VTI1A: variants seen among roughly 807,000 people sequenced by gnomAD.
VTI1A encodes vesicle transport through interaction with t-SNAREs homolog 1A.
In VTI1A, 22 loss-of-function variants were observed where a neutral mutation model predicts 34.9. That is an observed-to-expected ratio of 0.63 (90% CI 0.45 to 0.90). The LOEUF (loss-of-function observed/expected upper bound fraction) is 0.90. Ranked by LOEUF, VTI1A falls within the 40% of genes least tolerant of loss-of-function variation. The pLI is 0.00. For synonymous variants in VTI1A, 87 were observed against 97.3 expected (o/e 0.89, Z 0.62); for missense variants, 268 against 275.6 (o/e 0.97, Z 0.20).
rs959756952 is a variant in VTI1A, at chr10:112,634,916, T to C, written c.428-33302T>C. On this transcript the variant is annotated intron_variant, in intron 5 of 7. Transcript: ENST00000393077. ...AATCTGAATACATAAACATGCATAA[T>C]AAATAAACTCTGGGGTTGAATCCTG... Among the ~76,000 whole-genome samples, 3 of 152,194 alleles carry C rather than the reference T, an allele frequency of 2.0e-5. No homozygotes were observed. In the East Asian group the frequency reaches 5.8e-4, roughly 29 times the overall value.
chr10:112,564,207 G>A (rs1457721797), intron 5 of VTI1A, among the ~76,000 whole-genome samples: 1 of 151,290 alleles, frequency 6.6e-6, no homozygotes, highest in African/African-American at 2.4e-5. Flanking sequence ...AAAAGCTTTT[G>A]GAATTAAATC....
intron 7 of VTI1A, among the ~76,000 whole-genome samples, chr10:112,676,937 G>A (rs559673807): frequency 3.2e-4 from 49 of 152,156 alleles, no homozygotes; most frequent in Non-Finnish European, 5.4e-4. Context: ...TCTGGCCTTC[G>A]TCAAGGATTC....
At chr10:112,803,479 T>C (rs1037638620) in intron 7 of VTI1A, among the ~76,000 whole-genome samples, 1 of 152,194 alleles carries the variant, frequency 6.6e-6, no homozygotes, top group Non-Finnish European at 1.5e-5. Flanking sequence ...CAGTGGCCGC[T>C]TGAATGAGAA....
At chr10:112,620,018 T>A (rs1845668299) in intron 5 of VTI1A, among the ~76,000 whole-genome samples, 1 of 152,202 alleles carries the variant, frequency 6.6e-6, no homozygotes, top group South Asian at 2.1e-4. Flanking sequence ...CCAGGGCTTT[T>A]AAAACTCTCC....
chr10:112,473,548 C>A (rs569310469), intron 3 of VTI1A, among the ~76,000 whole-genome samples: 4 of 152,174 alleles, frequency 2.6e-5, no homozygotes, highest in South Asian at 4.2e-4. Context: ...TTTCCATTTA[C>A]CTCCTCTATC....
intron 1 of VTI1A, chr10:112,449,971 C>A (rs1235259355): frequency 6.6e-6 from 1 of 152,032 alleles, no homozygotes; most frequent in East Asian, 1.9e-4. Context: ...GCAATCTCAG[C>A]TCATTGCAAC....
At chr10:112,629,153 A>C (rs1041771074) in intron 5 of VTI1A, among the ~76,000 whole-genome samples, 1 of 152,250 alleles carries the variant, frequency 6.6e-6, no homozygotes. Flanking sequence ...TGGGACACTC[A>C]GAGGCCTCAG....
intron 5 of VTI1A, among the ~76,000 whole-genome samples, chr10:112,647,747 G>T (rs913006419): frequency 6.6e-5 from 10 of 152,084 alleles, no homozygotes; most frequent in Non-Finnish European, 1.0e-4. Flanking sequence ...CTTTGTCTCT[G>T]CATTTTTTAA....
chr10:112,556,864 T>C (rs1425586129), intron 5 of VTI1A, among the ~76,000 whole-genome samples: 1 of 152,102 alleles, frequency 6.6e-6, no homozygotes, highest in East Asian at 1.9e-4. Context: ...CATCTAAATA[T>C]TTAAAATTAA....
intron 5 of VTI1A, among the ~76,000 whole-genome samples, chr10:112,632,601 C>A (rs998608112): frequency 1.3e-5 from 2 of 152,224 alleles, no homozygotes; most frequent in Non-Finnish European, 2.9e-5. Context: ...ACGGGATTCA[C>A]ATACCAGCTC....
intron 7 of VTI1A, among the ~76,000 whole-genome samples, chr10:112,691,848 C>T (rs1202774201): frequency 6.6e-6 from 1 of 152,160 alleles, no homozygotes; most frequent in Non-Finnish European, 1.5e-5. Flanking sequence ...TGGATTCAGA[C>T]CAAAATCTGA....
At chr10:112,592,245 G>A (rs946014045) in intron 5 of VTI1A, among the ~76,000 whole-genome samples, 2 of 152,198 alleles carry the variant, frequency 1.3e-5, no homozygotes, top group East Asian at 3.8e-4. Flanking sequence ...AGAGGAAGCA[G>A]CAGTGCCCAC....
In VTI1A at chr10:112,524,184, G is replaced by A. The variant is rs141282364; in HGVS notation, c.265-2903G>A. Among the ~76,000 whole-genome samples the A allele has an allele frequency of 3.0e-3, 459 of 152,048 alleles. 2 individuals carry two copies. The highest frequency in any genetic ancestry group is 0.011 in the African/African-American group (441 of 41,488). The stretch of plus-strand genomic sequence containing the variant: ...ATCTTGCAGGCTAAGTTATGGTTGG[G>A]TACAATCAGCTTACTGAAAATTTTA... On this transcript the variant is annotated intron_variant, in intron 3 of 7. Transcript: ENST00000393077.
At chr10:112,514,104 G>A (rs530800015) in intron 3 of VTI1A, among the ~76,000 whole-genome samples, 67 of 152,064 alleles carry the variant, frequency 4.4e-4, no homozygotes, top group African/African-American at 1.5e-3. Flanking sequence ...TTCTTTAAAT[G>A]TTTGGTAGAA....
At chr10:112,854,793 C>G in the VTI1A span, among the ~76,000 whole-genome samples, 1 of 152,282 alleles carries the variant, frequency 6.6e-6, no homozygotes, top group South Asian at 2.1e-4. Context: ...GAAGGAGATT[C>G]ACTAGGGGTC....
chr10:112,569,341 A>G (rs1440534403), intron 5 of VTI1A, among the ~76,000 whole-genome samples: 1 of 152,190 alleles, frequency 6.6e-6, no homozygotes, highest in East Asian at 1.9e-4. Flanking sequence ...CCATTTTGCA[A>G]ATAAGTATAC....
At chr10:112,528,883 G>A (rs934676661) in intron 4 of VTI1A, among the ~76,000 whole-genome samples, 7 of 151,726 alleles carry the variant, frequency 4.6e-5, no homozygotes, top group Middle Eastern at 3.2e-3. Flanking sequence ...TTTTTCAAAC[G>A]TGTTCACTTC....
intron 7 of VTI1A, among the ~76,000 whole-genome samples, chr10:112,751,307 C>T (rs1479116765): frequency 6.6e-6 from 1 of 152,020 alleles, no homozygotes; most frequent in Non-Finnish European, 1.5e-5. Flanking sequence ...AATGACCTGC[C>T]AGGGCACGTA....
At chr10:112,679,091 G>C (rs940643689) in intron 7 of VTI1A, among the ~76,000 whole-genome samples, 6 of 152,076 alleles carry the variant, frequency 3.9e-5, no homozygotes, top group Non-Finnish European at 5.9e-5. Flanking sequence ...GCCACCGTTA[G>C]GGCAGGAAAT....
Sources: gnomAD v4.1 joint callset for allele counts (sites outside exome capture counted in the v4.1 genomes callset) on GRCh38, gnomAD v4.1.1 for gene constraint, MANE v1.5 for transcripts, NCBI Gene and HGNC (gene_info 2026-07-23, HGNC 2026-07-21) for gene names.